Variants in ADAMTSL1 observed in about 807,000 individuals in gnomAD.
ADAMTSL1 encodes ADAMTS-like protein 1.
ADAMTSL1 carries 126 observed loss-of-function variants against 201.8 expected under a neutral mutation model. The observed-to-expected ratio is 0.62, with a 90% CI of 0.54 to 0.72. The LOEUF (loss-of-function observed/expected upper bound fraction) is 0.72, where lower values mean the gene tolerates loss of function less well. Among genes scored for constraint, ADAMTSL1 ranks in the 30% least tolerant of loss-of-function variants. The probability of loss-of-function intolerance (pLI) is 0.00; values close to 1 mark genes in which losing one functional copy is unlikely to be tolerated. For missense variants in ADAMTSL1, 2,679 were observed against 2,277.8 expected, an observed-to-expected ratio of 1.18 and a Z score of -3.59; for synonymous variants, 1,121 against 903.4, an observed-to-expected ratio of 1.24 and a Z score of -4.32.
intron 13 of ADAMTSL1, among the ~76,000 whole-genome samples, chr9:18,692,607 A>C (rs138958491): frequency 1.3e-5 from 2 of 152,206 alleles, no homozygotes; most frequent in African/African-American, 4.8e-5. Flanking sequence ...TGAACTTTTC[A>C]TTGGAAAGCT....
chr9:18,564,730 G>A (rs1334847339), intron 3 of ADAMTSL1, among the ~76,000 whole-genome samples: 1 of 152,156 alleles, frequency 6.6e-6, no homozygotes, highest in Non-Finnish European at 1.5e-5. Context: ...AAGGAGGTGG[G>A]AGAGAACACT....
intron 17 of ADAMTSL1, among the ~76,000 whole-genome samples, chr9:18,773,850 C>G: frequency 6.6e-6 from 1 of 152,202 alleles, no homozygotes; most frequent in East Asian, 1.9e-4. Context: ...TCCATCCCAC[C>G]TGATCCTTGG....
intron 2 of ADAMTSL1, among the ~76,000 whole-genome samples, chr9:18,459,723 A>C (rs1468444650): frequency 3.3e-5 from 5 of 152,216 alleles, no homozygotes; most frequent in Non-Finnish European, 7.3e-5. Context: ...AGGAGACTAA[A>C]GTTTGAGGAG....
At chr9:18,219,640 G>C (rs770346290) in intron 2 of ADAMTSL1, among the ~76,000 whole-genome samples, 1 of 152,110 alleles carries the variant, frequency 6.6e-6, no homozygotes, top group Non-Finnish European at 1.5e-5. Flanking sequence ...TTACAGGCAT[G>C]AGCCACTGTG....
intron 2 of ADAMTSL1, among the ~76,000 whole-genome samples, chr9:18,193,790 G>A (rs1587280126): frequency 6.6e-6 from 1 of 151,828 alleles, no homozygotes; most frequent in Admixed American, 6.6e-5. Context: ...ATAAACCTAG[G>A]GTTTTTTGGG....
intron 16 of ADAMTSL1, among the ~76,000 whole-genome samples, chr9:18,766,846 C>T (rs537165681): frequency 1.2e-4 from 19 of 152,214 alleles, no homozygotes; most frequent in African/African-American, 4.6e-4. Flanking sequence ...AGGATTTCAG[C>T]GTGTGAATTT....
intron 23 of ADAMTSL1, among the ~76,000 whole-genome samples, chr9:18,852,428 T>G (rs887243083): frequency 6.6e-6 from 1 of 152,114 alleles, no homozygotes; most frequent in African/African-American, 2.4e-5. Flanking sequence ...CCACTGGAAG[T>G]GGAAAAATCA....
At chr9:18,301,381 T>C (rs891725814) in intron 2 of ADAMTSL1, among the ~76,000 whole-genome samples, 2 of 152,188 alleles carry the variant, frequency 1.3e-5, no homozygotes, top group Non-Finnish European at 2.9e-5. Flanking sequence ...GGTACAGTAG[T>C]TCCCCCTTTT....
At chr9:17,958,677 A>G (rs1210202134) in intron 1 of ADAMTSL1, among the ~76,000 whole-genome samples, 2 of 152,222 alleles carry the variant, frequency 1.3e-5, no homozygotes, top group African/African-American at 2.4e-5. Flanking sequence ...GTGATTTAAA[A>G]TTGGATTTGT....
intron 2 of ADAMTSL1, among the ~76,000 whole-genome samples, chr9:18,410,561 C>G (rs1411496077): frequency 6.6e-6 from 1 of 152,128 alleles, no homozygotes; most frequent in Non-Finnish European, 1.5e-5. Flanking sequence ...GATCTCATTC[C>G]TTTTTATGGC....
At chr9:18,409,436 A>G (rs1818340698) in intron 2 of ADAMTSL1, among the ~76,000 whole-genome samples, 1 of 151,338 alleles carries the variant, frequency 6.6e-6, no homozygotes, top group Non-Finnish European at 1.5e-5. Flanking sequence ...ACTGACATCC[A>G]AAGAAATGAG....
At chr9:17,967,300 A>G (rs1391074758) in intron 1 of ADAMTSL1, among the ~76,000 whole-genome samples, 2 of 151,972 alleles carry the variant, frequency 1.3e-5, no homozygotes, top group Admixed American at 6.6e-5. Flanking sequence ...AGTAATTTGT[A>G]CTCCTGCCAC....
At chr9:18,624,905 C>T (rs1423672125) in intron 5 of ADAMTSL1, among the ~76,000 whole-genome samples, 1 of 152,214 alleles carries the variant, frequency 6.6e-6, no homozygotes, top group South Asian at 2.1e-4. Context: ...GATTCGTTTA[C>T]CTTAGCACTG....
chr9:18,769,845 ACTC>A (rs1198398037), intron 16 of ADAMTSL1, among the ~76,000 whole-genome samples: 1 of 152,080 alleles, frequency 6.6e-6, no homozygotes, highest in Admixed American at 6.5e-5. Flanking sequence ...AAAGCTGGGG[ACTC>A]CTTTGCTCTG....
intron 4 of ADAMTSL1, among the ~76,000 whole-genome samples, chr9:18,609,261 TA>T (rs1293693218): frequency 6.6e-6 from 1 of 152,214 alleles, no homozygotes; most frequent in African/African-American, 2.4e-5. Flanking sequence ...TTCAGAATTC[TA>T]AACATTTCTC....
chr9:18,899,300 A>G (rs1347798552), intron 26 of ADAMTSL1, among the ~76,000 whole-genome samples: 1 of 152,238 alleles, frequency 6.6e-6, no homozygotes, highest in Non-Finnish European at 1.5e-5. Context: ...ATCAGAGAGG[A>G]CACAAACAAA....
chr9:18,039,793 T>A (rs1821358590), intron 1 of ADAMTSL1, among the ~76,000 whole-genome samples: 1 of 152,176 alleles, frequency 6.6e-6, no homozygotes, highest in Non-Finnish European at 1.5e-5. Flanking sequence ...AGGATACTCA[T>A]TTTTAAAAAT....
intron 4 of ADAMTSL1, among the ~76,000 whole-genome samples, chr9:18,586,423 A>G (rs757803572): frequency 5.3e-5 from 8 of 152,106 alleles, no homozygotes; most frequent in Non-Finnish European, 7.4e-5. Flanking sequence ...ATTACAAACC[A>G]TTGCTCAAAA....
chr9:18,906,836 A>T lies in ADAMTSL1; in HGVS notation c.5106A>T (p.Ala1702=), dbSNP rs369197208. 9.9e-6 allele frequency: 16 copies of T among 1,613,898 alleles called. No individual in the cohort carries two copies. The African/African-American group carries it at 2.0e-4, about 20-fold the overall frequency. Residue 1702 remains alanine, a synonymous_variant, in exon 28 of 29, where the codon GCA becomes GCT. Coordinates refer to ENST00000380548, the MANE Select transcript of ADAMTSL1 (RefSeq NM_001040272.6). ...VECVHARTNK[A]VPEHLCSWGP... is the part of the protein sequence containing the mutation. ...GTGTGCATGCCCGCACCAACAAGGCAGTGCCTGAGCACCTGTGCTCCTGGG... is the reference window on the plus strand; with the variant it reads ...GTGTGCATGCCCGCACCAACAAGGCTGTGCCTGAGCACCTGTGCTCCTGGG...
Sources: gnomAD v4.1 joint callset for allele counts (sites outside exome capture counted in the v4.1 genomes callset) on GRCh38, gnomAD v4.1.1 for gene constraint, MANE v1.5 for transcripts, NCBI Gene and HGNC (gene_info 2026-07-23, HGNC 2026-07-21) for gene names.